Variants in GAS7 observed in about 807,000 individuals in gnomAD.
GAS7 encodes the protein growth arrest-specific protein 7.
In GAS7, 28 loss-of-function variants were observed where a neutral mutation model predicts 71.1. The ratio of observed to expected loss-of-function variants is 0.39; its 90% CI spans 0.29 to 0.54. The LOEUF is 0.54. Among genes scored for constraint, GAS7 ranks in the 20% least tolerant of loss-of-function variants. GAS7 has a pLI of 0.62. For missense variants in GAS7, 436 were observed against 627.8 expected (o/e 0.69, Z 3.27); for synonymous variants, 258 against 245.8 (o/e 1.05, Z -0.46).
At chr17:9,977,965 C>G (rs533211908) in intron 3 of GAS7, among the ~76,000 whole-genome samples, 213 of 152,328 alleles carry the variant, frequency 1.4e-3, no homozygotes, top group African/African-American at 4.7e-3. Flanking sequence ...GTAACCCCAG[C>G]ACTTTGGGAG....
At chr17:10,129,377 G>A (rs2073978424) in intron 1 of GAS7, among the ~76,000 whole-genome samples, 1 of 152,042 alleles carries the variant, frequency 6.6e-6, no homozygotes, top group African/African-American at 2.4e-5. Flanking sequence ...TCTATGAAAG[G>A]TTTAAAAATT....
At position 9,913,503 on chromosome 17, in the gene GAS7, G is replaced by A. The variant is rs2067495669; in HGVS notation, c.*3725C>T. On this transcript the variant is annotated 3_prime_UTR_variant, in exon 14 of 14. Coordinates refer to ENST00000432992, the MANE Select transcript of GAS7 (RefSeq NM_201433.2). Reference sequence around the variant, plus strand: ...GCATCCATCCACTCATCTAGTAATTGATTGGTTTTCACAAAGGGTAGGGAA... The same window carrying A: ...GCATCCATCCACTCATCTAGTAATTAATTGGTTTTCACAAAGGGTAGGGAA... The A allele has an allele frequency of 4.3e-6, 1 of 232,238 alleles. No individual in the cohort carries two copies. 14.4% of individuals were successfully genotyped at this position (232,238 alleles called of 1,614,324 possible).
chr17:10,197,721 G>A (rs563165290), intron 1 of GAS7, among the ~76,000 whole-genome samples: 2 of 152,246 alleles, frequency 1.3e-5, no homozygotes, highest in South Asian at 4.1e-4. Flanking sequence ...GTGGTCCCGA[G>A]GCGGCCAGGC....
chr17:9,975,320 A>G (rs1031838633), intron 3 of GAS7, among the ~76,000 whole-genome samples: 1 of 151,018 alleles, frequency 6.6e-6, no homozygotes, highest in African/African-American at 2.5e-5. Context: ...CTGGCATTGC[A>G]CTCCAGCCTG....
Position 9,915,622 on chromosome 17 carries a change from G to A in GAS7, c.*1606C>T, listed in dbSNP as rs1033612223. On this transcript the variant is annotated 3_prime_UTR_variant, in exon 14 of 14. Coordinates refer to ENST00000432992, the MANE Select transcript of GAS7 (RefSeq NM_201433.2). The stretch of plus-strand genomic sequence containing the variant: ...GCAATTCTCATTCAATGAAAGAGGC[G>A]CCAAAAAATTAGAGATTAATAAGTC... 19 of 227,210 alleles carry A rather than the reference G, an allele frequency of 8.4e-5. No individual in the cohort carries two copies. The highest frequency in any genetic ancestry group is 2.7e-4 in the African/African-American group (12 of 45,040). The allele number at this position is 227,210 out of a possible 1,614,324, so 14.1% of individuals were successfully genotyped here.
intron 1 of GAS7, among the ~76,000 whole-genome samples, chr17:10,184,751 C>A (rs900043189): frequency 1.3e-5 from 2 of 152,142 alleles, no homozygotes; most frequent in Non-Finnish European, 2.9e-5. Context: ...GATCACACTT[C>A]AGTGGATGCT....
At chr17:10,111,316 T>C (rs74607133) in intron 1 of GAS7, among the ~76,000 whole-genome samples, 136,680 of 148,934 alleles carry the variant, frequency 0.92, 62,217 homozygotes, top group Non-Finnish European at 0.95. Context: ...GGGCGGATGA[T>C]GGGTAAGGAG....
chr17:10,089,087 G>A (rs1205358071), intron 1 of GAS7, among the ~76,000 whole-genome samples: 2 of 152,018 alleles, frequency 1.3e-5, no homozygotes, highest in African/African-American at 2.4e-5. Flanking sequence ...CTTGAACCCA[G>A]GAGGCAGAGG....
At chr17:10,119,324 A>G (rs1471657688) in intron 1 of GAS7, among the ~76,000 whole-genome samples, 3 of 152,168 alleles carry the variant, frequency 2.0e-5, no homozygotes, top group Non-Finnish European at 4.4e-5. Context: ...CACTGTATTG[A>G]TTTATTCCTT....
chr17:10,195,460 T>A (rs1247138372), intron 1 of GAS7, among the ~76,000 whole-genome samples: 3 of 152,040 alleles, frequency 2.0e-5, no homozygotes, highest in Non-Finnish European at 2.9e-5. Flanking sequence ...TCTATCAGGG[T>A]GAAAGTTCCG....
intron 2 of GAS7, among the ~76,000 whole-genome samples, chr17:9,996,825 A>C (rs1334859412): frequency 6.6e-6 from 1 of 151,866 alleles, no homozygotes; most frequent in Non-Finnish European, 1.5e-5. Flanking sequence ...TTTTTATTAG[A>C]GACAGAGTTT....
chr17:10,022,714 T>C (rs2072316972), intron 1 of GAS7, among the ~76,000 whole-genome samples: 1 of 152,220 alleles, frequency 6.6e-6, no homozygotes, highest in Non-Finnish European at 1.5e-5. Context: ...GAATGGGGTT[T>C]TCCACTGGAA....
rs2152056969 is a variant in GAS7, at chr17:9,910,821, T to C, written c.*6407A>G. 4.4e-6 allele frequency: 1 copy of C among 227,444 alleles called. No homozygotes were observed. The highest frequency in any genetic ancestry group is 2.2e-5 in the African/African-American group (1 of 45,108). 14.1% of individuals were successfully genotyped at this position (227,444 alleles called of 1,614,324 possible). Reference sequence around the variant, plus strand: ...CTTATAAATTATATTACATCAATTTTATTTACTGATCTAGGCAGCCAGAGG... The same window carrying C: ...CTTATAAATTATATTACATCAATTTCATTTACTGATCTAGGCAGCCAGAGG... On this transcript the variant is annotated 3_prime_UTR_variant, in exon 14 of 14. Coordinates refer to ENST00000432992, the MANE Select transcript of GAS7 (RefSeq NM_201433.2).
chr17:9,931,558 CAG>C (rs990036032), intron 9 of GAS7, among the ~76,000 whole-genome samples: 2 of 152,178 alleles, frequency 1.3e-5, no homozygotes, highest in Non-Finnish European at 2.9e-5. Flanking sequence ...GGGGCCCCGA[CAG>C]GGGAAGGGAG....
At chr17:10,074,670 C>T (rs1429772451) in intron 1 of GAS7, among the ~76,000 whole-genome samples, 1 of 152,214 alleles carries the variant, frequency 6.6e-6, no homozygotes, top group African/African-American at 2.4e-5. Flanking sequence ...CCTTAAAAAA[C>T]TGTACCTGTC....
chr17:10,156,787 C>T (rs1447652031), intron 1 of GAS7, among the ~76,000 whole-genome samples: 1 of 152,052 alleles, frequency 6.6e-6, no homozygotes, highest in Non-Finnish European at 1.5e-5. Context: ...CCTCCTGCTG[C>T]AGGCCTCCCT....
Position 10,046,223 on chromosome 17 carries a change from T to G in GAS7, c.184-26326A>C, listed in dbSNP as rs553401265. On this transcript the variant is annotated intron_variant, in intron 1 of 13. Transcript: ENST00000432992. ...ACACGGTACCCGGCGTGTGACTGAA[T>G]CTCTGGGAGATTAAGGGCATGGCAA... 2.6e-5 allele frequency among the ~76,000 whole-genome samples: 4 copies of G among 152,212 alleles called. No homozygotes were observed. In the South Asian group the frequency reaches 8.3e-4, roughly 32 times the overall value.
At chr17:10,073,466 G>A (rs919804300) in intron 1 of GAS7, among the ~76,000 whole-genome samples, 3 of 151,384 alleles carry the variant, frequency 2.0e-5, no homozygotes, top group African/African-American at 7.3e-5. Context: ...AAGCACCTGG[G>A]GAGAGCAGGT....
chr17:10,190,316 G>A (rs1033704176), intron 1 of GAS7, among the ~76,000 whole-genome samples: 3 of 152,184 alleles, frequency 2.0e-5, no homozygotes, highest in African/African-American at 7.2e-5. Context: ...CGGGCGCAGT[G>A]GCTCATGCCT....
Sources: gnomAD v4.1 joint callset for allele counts (sites outside exome capture counted in the v4.1 genomes callset) on GRCh38, gnomAD v4.1.1 for gene constraint, MANE v1.5 for transcripts, NCBI Gene and HGNC (gene_info 2026-07-23, HGNC 2026-07-21) for gene names.